Variants in PGM1 observed in about 807,000 individuals in gnomAD.
PGM1 encodes the protein phosphoglucomutase 1, also known as phosphoglucomutase-1.
Under a neutral mutation model 55.6 loss-of-function variants are expected in PGM1, and 52 were observed. The ratio of observed to expected loss-of-function variants is 0.94; its 90% CI spans 0.75 to 1.18. PGM1 has a LOEUF of 1.18. Among genes scored for constraint, PGM1 ranks in the 50% most tolerant of loss-of-function variants. PGM1 has a pLI of 0.00. For missense variants in PGM1, 724 were observed against 729.3 expected (o/e 0.99, Z 0.08); for synonymous variants, 287 against 271.7 (o/e 1.06, Z -0.55).
chr1:63,636,471 TCCTTC>T, intron 6 of PGM1, 83 bp downstream of exon 6: 1 of 1,343,842 alleles, frequency 7.4e-7, no homozygotes, highest in East Asian at 2.3e-5. Flanking sequence ...GGAACACGTG[TCCTTC>T]CCTTTCAGCA....
Position 63,631,714 on chromosome 1 carries a change from T to C in PGM1, c.614T>C (p.Phe205Ser), listed in dbSNP as rs1157881282. ...YATMLRSIFD[F>S]SALKELLSGP... Reference sequence around the variant, plus strand: ...ACAATGCTGAGAAGCATCTTTGATTTCAGTGCACTGAAAGAACTACTTTCT... The same window carrying C: ...ACAATGCTGAGAAGCATCTTTGATTCCAGTGCACTGAAAGAACTACTTTCT... The change falls in exon 4 of 11, where the codon TTC (phenylalanine) becomes TCC (serine). Residue 205 changes from phenylalanine to serine, a missense_variant. Coordinates refer to ENST00000371084, the MANE Select transcript of PGM1 (RefSeq NM_002633.3). The C allele has an allele frequency of 6.2e-7, 1 of 1,613,168 alleles. No homozygotes were observed. The highest frequency in any genetic ancestry group is 1.1e-5 in the South Asian group (1 of 91,046).
At chr1:63,608,895 T>G (rs920219253) in intron 1 of PGM1, among the ~76,000 whole-genome samples, 9 of 152,226 alleles carry the variant, frequency 5.9e-5, no homozygotes, top group Admixed American at 5.2e-4. Flanking sequence ...CTTGAAAGAT[T>G]CTTGTGAGGA....
At chr1:63,615,372 A>G (rs1385444164) in intron 1 of PGM1, among the ~76,000 whole-genome samples, 1 of 152,018 alleles carries the variant, frequency 6.6e-6, no homozygotes, top group Admixed American at 6.5e-5. Context: ...TCTGCATTTT[A>G]TGGAAACTCT....
In PGM1 at chr1:63,654,421, C is replaced by T. The variant is rs760587298; in HGVS notation, c.1554C>T (p.Ile518=). 35 of 1,613,892 alleles carry T rather than the reference C, an allele frequency of 2.2e-5. No individual in the cohort carries two copies. Among genetic ancestry groups the T allele is most frequent in the Middle Eastern group, 1.6e-4 (1 of 6,084 alleles). The part of the protein sequence containing the change: ...GSAGATIRLY[I]DSYEKDVAKI... ...CCGGGGCCACCATTCGGCTGTACAT[C>T]GATAGCTATGAGAAGGACGTTGCCA... The change falls in exon 10 of 11, where the codon ATC becomes ATT. Residue 518 remains isoleucine (I), a synonymous_variant. Coordinates refer to ENST00000371084, the MANE Select transcript of PGM1 (RefSeq NM_002633.3).
intron 1 of PGM1, chr1:63,593,952 C>G (rs772119361): frequency 4.3e-4 from 518 of 1,208,584 alleles, no homozygotes; most frequent in Non-Finnish European, 4.0e-4. Context: ...GGCAGACCTG[C>G]TCGCCTGACT....
intron 8 of PGM1, among the ~76,000 whole-genome samples, chr1:63,649,262 C>T (rs1350277043): frequency 1.3e-5 from 2 of 152,240 alleles, no homozygotes; most frequent in East Asian, 3.9e-4. Context: ...ACTGTATACC[C>T]GATTTCCATC....
chr1:63,659,275 C>T (rs982247315), intron 10 of PGM1, among the ~76,000 whole-genome samples: 78 of 152,100 alleles, frequency 5.1e-4, no homozygotes, highest in African/African-American at 1.8e-3. Flanking sequence ...GAAAAGGGGG[C>T]CATGGAGAGA....
At chr1:63,597,307 GATACAA>G (rs1277483701) in intron 1 of PGM1, among the ~76,000 whole-genome samples, 1 of 152,188 alleles carries the variant, frequency 6.6e-6, no homozygotes, top group Non-Finnish European at 1.5e-5. Flanking sequence ...GTTTAGATTA[GATACAA>G]ATACAAATTT....
rs61003960 is a variant in PGM1 at position 63,594,192 on chromosome 1, T to A, written c.246+458T>A. On this transcript the variant is annotated intron_variant, in intron 1 of 10. Coordinates refer to ENST00000371084, the MANE Select transcript of PGM1 (RefSeq NM_002633.3). ...CAGAGCCCCCTCGCATCCCGCCCGC[T>A]CCTCTGCTATTCTCGGCTAGGACTG... The A allele has an allele frequency of 0.19, 175,831 of 905,096 alleles. 18,105 individuals are homozygous for A. The highest frequency in any genetic ancestry group is 0.21 in the South Asian group (4,233 of 19,860). The allele number at this position is 905,096 out of a possible 1,614,324, so 56.1% of individuals were successfully genotyped here. A position where few individuals can be genotyped will look rare whatever the true frequency, so the allele number is the denominator to read the frequency against.
At chr1:63,652,046 C>T (rs1378522171) in intron 9 of PGM1, among the ~76,000 whole-genome samples, 194 bp downstream of exon 9, 1 of 152,140 alleles carries the variant, frequency 6.6e-6, no homozygotes, top group East Asian at 1.9e-4. Flanking sequence ...TGGTTTATGC[C>T]CTTGTTCTGT....
At chr1:63,607,029 T>G (rs1459968886) in intron 1 of PGM1, among the ~76,000 whole-genome samples, 1 of 152,226 alleles carries the variant, frequency 6.6e-6, no homozygotes, top group Non-Finnish European at 1.5e-5. Context: ...TATTTTTTAG[T>G]CTATTCACAG....
intron 4 of PGM1, among the ~76,000 whole-genome samples, chr1:63,634,454 A>G (rs1488455430): frequency 2.6e-5 from 4 of 152,210 alleles, no homozygotes; most frequent in African/African-American, 4.8e-5. Context: ...TTGAACCCAG[A>G]CACTCTGATT....
chr1:63,638,961 A>G (rs1250319778), intron 7 of PGM1, among the ~76,000 whole-genome samples, 161 bp downstream of exon 7: 1 of 134,706 alleles, frequency 7.4e-6, no homozygotes, highest in Non-Finnish European at 1.5e-5. Flanking sequence ...GCACATTTGA[A>G]AAGGGGTGAG....
At chr1:63,624,064 T>C (rs76167737) in intron 1 of PGM1, among the ~76,000 whole-genome samples, 344 of 152,326 alleles carry the variant, frequency 2.3e-3, no homozygotes, top group African/African-American at 8.0e-3. Context: ...AGCTGTTTTA[T>C]CTACATTCTA....
At chr1:63,636,176 G>T in intron 5 of PGM1, 58 bp from the exon 6 acceptor site, 2 of 1,513,886 alleles carry the variant, frequency 1.3e-6, no homozygotes, top group Non-Finnish European at 1.8e-6. Context: ...ATGAAAGATA[G>T]TTTGATTTCT....
intron 1 of PGM1, among the ~76,000 whole-genome samples, chr1:63,614,669 A>G (rs1648662070): frequency 6.6e-6 from 1 of 152,132 alleles, no homozygotes. Flanking sequence ...TCAAATCTAT[A>G]TGTAAAATGA....
intron 3 of PGM1, 116 bp from the exon 4 acceptor site, chr1:63,631,541 A>G (rs1260796505): frequency 1.1e-6 from 1 of 941,180 alleles, no homozygotes; most frequent in South Asian, 1.3e-5. Flanking sequence ...GGAGCTGTTC[A>G]ATAATTGTCC....
At chr1:63,636,056 G>A (rs1289943231) in intron 5 of PGM1, among the ~76,000 whole-genome samples, 178 bp from the exon 6 acceptor site, 2 of 152,138 alleles carry the variant, frequency 1.3e-5, no homozygotes, top group South Asian at 2.1e-4. Context: ...AGGTGCCTTC[G>A]GCCCAATGGT....
chr1:63,607,018 A>G (rs1359109817), intron 1 of PGM1, among the ~76,000 whole-genome samples: 6 of 152,244 alleles, frequency 3.9e-5, no homozygotes, highest in African/African-American at 9.6e-5. Flanking sequence ...GAATCATTCA[A>G]TATTTTTTAG....
Sources: gnomAD v4.1 joint callset for allele counts (sites outside exome capture counted in the v4.1 genomes callset) on GRCh38, gnomAD v4.1.1 for gene constraint, MANE v1.5 for transcripts, NCBI Gene and HGNC (gene_info 2026-07-23, HGNC 2026-07-21) for gene names.